GABRB1: variants seen among roughly 807,000 people sequenced by gnomAD.
The protein encoded by GABRB1 is gamma-aminobutyric acid type A receptor subunit beta1, also known as gamma-aminobutyric acid receptor subunit beta-1.
In GABRB1, 17 loss-of-function variants were observed where a neutral mutation model predicts 51.6. That is an observed-to-expected ratio of 0.33 (90% CI 0.23 to 0.49). The LOEUF (loss-of-function observed/expected upper bound fraction) is 0.49, where lower values mean the gene tolerates loss of function less well. GABRB1 is among the 20% of genes least tolerant of loss of function. The pLI is 0.99. For synonymous variants in GABRB1, 247 were observed against 218.9 expected (o/e 1.13, Z -1.14); for missense variants, 410 against 600.6 (o/e 0.68, Z 3.32).
intron 4 of GABRB1, among the ~76,000 whole-genome samples, chr4:47,222,506 G>A (rs951024035): frequency 1.3e-5 from 2 of 152,054 alleles, no homozygotes; most frequent in Non-Finnish European, 2.9e-5. Flanking sequence ...TTGAAGTCTT[G>A]GAATGCTGCC....
intron 4 of GABRB1, among the ~76,000 whole-genome samples, chr4:47,242,448 T>A (rs1156596898): frequency 6.6e-6 from 1 of 152,218 alleles, no homozygotes; most frequent in East Asian, 1.9e-4. Flanking sequence ...TCCAGATCCT[T>A]GAGGAATCAC....
chr4:47,061,734 G>T (rs573315011), intron 3 of GABRB1, among the ~76,000 whole-genome samples: 4 of 152,252 alleles, frequency 2.6e-5, no homozygotes, highest in South Asian at 2.1e-4. Flanking sequence ...ATTCCTCTGT[G>T]GGGGGTGGTC....
chr4:47,403,115 T>G lies in GABRB1; in HGVS notation c.545-203T>G, dbSNP rs532823432. Reference sequence around the variant, plus strand: ...TAAACGATCCAGAGCTTAAGTCCAGTAAAGCCAGATGCACCCATTCTTTCA... The same window carrying G: ...TAAACGATCCAGAGCTTAAGTCCAGGAAAGCCAGATGCACCCATTCTTTCA... On this transcript the variant is annotated intron_variant, in intron 5 of 8. Transcript: ENST00000295454. 1.5e-4 allele frequency among the ~76,000 whole-genome samples: 23 copies of G among 152,314 alleles called. No homozygotes were observed. The South Asian group carries it at 4.8e-3, about 32-fold the overall frequency.
At chr4:47,421,317 C>T (rs1452238516) in intron 8 of GABRB1, among the ~76,000 whole-genome samples, 3 of 152,024 alleles carry the variant, frequency 2.0e-5, no homozygotes, top group African/African-American at 7.2e-5. Flanking sequence ...CCTTGTTAAC[C>T]CTGACTTCTG....
chr4:47,378,672 G>A (rs561917784), intron 5 of GABRB1, among the ~76,000 whole-genome samples: 75 of 152,308 alleles, frequency 4.9e-4, no homozygotes, highest in Non-Finnish European at 7.8e-4. Context: ...TTTCAGTAGA[G>A]ACGGGGTTTC....
At chr4:47,154,476 C>T (rs1176582245) in intron 3 of GABRB1, among the ~76,000 whole-genome samples, 1 of 151,950 alleles carries the variant, frequency 6.6e-6, no homozygotes, top group Non-Finnish European at 1.5e-5. Context: ...TTTAACATCT[C>T]TAGGTCTAAG....
intron 5 of GABRB1, among the ~76,000 whole-genome samples, chr4:47,373,025 C>T (rs140968145): frequency 1.8e-3 from 275 of 152,284 alleles, no homozygotes; most frequent in Non-Finnish European, 2.9e-3. Context: ...ATGTCCTTCT[C>T]CCTACAGACA....
intron 4 of GABRB1, among the ~76,000 whole-genome samples, chr4:47,310,968 G>A (rs1724646766): frequency 6.8e-6 from 1 of 146,990 alleles, no homozygotes; most frequent in Admixed American, 6.9e-5. Flanking sequence ...GGCTGAGGCA[G>A]GAGAATAGCT....
At chr4:47,266,009 C>A (rs1458272929) in intron 4 of GABRB1, among the ~76,000 whole-genome samples, 4 of 152,062 alleles carry the variant, frequency 2.6e-5, no homozygotes, top group Admixed American at 2.6e-4. Flanking sequence ...GTTATGAATT[C>A]TTTACTTAGG....
At chr4:47,093,677 G>A (rs1460069367) in intron 3 of GABRB1, among the ~76,000 whole-genome samples, 1 of 152,160 alleles carries the variant, frequency 6.6e-6, no homozygotes, top group Non-Finnish European at 1.5e-5. Flanking sequence ...TTAATCAAAA[G>A]TGTTAAGTAG....
chr4:47,294,439 C>T (rs961051062), intron 4 of GABRB1, among the ~76,000 whole-genome samples: 2 of 152,230 alleles, frequency 1.3e-5, no homozygotes, highest in East Asian at 1.9e-4. Flanking sequence ...TAAAAAACGG[C>T]GCACCAGAAG....
chr4:47,085,289 C>A (rs1411189144), intron 3 of GABRB1, among the ~76,000 whole-genome samples: 1 of 152,088 alleles, frequency 6.6e-6, no homozygotes, highest in Non-Finnish European at 1.5e-5. Flanking sequence ...CTTATGACAT[C>A]AGAAGTTTAG....
chr4:47,320,321 T>G (rs1725032763), intron 5 of GABRB1, 112 bp downstream of exon 5: 2 of 738,788 alleles, frequency 2.7e-6, no homozygotes. Context: ...GCTTGCCTGA[T>G]AAGTTTTCAA....
intron 1 of GABRB1, among the ~76,000 whole-genome samples, chr4:46,999,356 CAT>C (rs1724113648): frequency 6.6e-6 from 1 of 152,194 alleles, no homozygotes; most frequent in Non-Finnish European, 1.5e-5. Context: ...TTAACATATT[CAT>C]ACCATATGAC....
At chr4:47,123,717 G>GAGATATC (rs1715946947) in intron 3 of GABRB1, among the ~76,000 whole-genome samples, 1 of 58,620 alleles carries the variant, frequency 1.7e-5, no homozygotes, top group South Asian at 5.2e-4. Context: ...TATGATATAT[G>GAGATATC]ATATATGATA....
At chr4:47,177,196 G>A (rs975422851) in intron 4 of GABRB1, among the ~76,000 whole-genome samples, 8 of 152,080 alleles carry the variant, frequency 5.3e-5, no homozygotes, top group Admixed American at 3.3e-4. Context: ...CATAGATAAC[G>A]AAGCACTGAA....
At chr4:47,368,564 C>G (rs1271242882) in intron 5 of GABRB1, among the ~76,000 whole-genome samples, 1 of 152,110 alleles carries the variant, frequency 6.6e-6, no homozygotes, top group Admixed American at 6.6e-5. Flanking sequence ...ACTAAGAAAT[C>G]TTGCTCTAGG....
At chr4:47,297,755 T>G (rs957565084) in intron 4 of GABRB1, among the ~76,000 whole-genome samples, 42 of 152,208 alleles carry the variant, frequency 2.8e-4, no homozygotes, top group Admixed American at 7.2e-4. Flanking sequence ...CTAACTCATT[T>G]TATGAGGCCA....
At chr4:47,126,274 G>C (rs1052636790) in intron 3 of GABRB1, among the ~76,000 whole-genome samples, 1 of 152,056 alleles carries the variant, frequency 6.6e-6, no homozygotes, top group African/African-American at 2.4e-5. Context: ...GCCAAGTTGG[G>C]GGCAAAGATG....
Sources: gnomAD v4.1 joint callset for allele counts (sites outside exome capture counted in the v4.1 genomes callset) on GRCh38, gnomAD v4.1.1 for gene constraint, MANE v1.5 for transcripts, NCBI Gene and HGNC (gene_info 2026-07-23, HGNC 2026-07-21) for gene names.